TBC1D12: variants seen among roughly 807,000 people sequenced by gnomAD.
TBC1D12 encodes the protein TBC1 domain family member 12.
TBC1D12 carries 56 observed loss-of-function variants against 86.7 expected under a neutral mutation model. The ratio of observed to expected loss-of-function variants is 0.65; its 90% CI spans 0.52 to 0.81. The LOEUF is 0.81. Ranked by LOEUF, TBC1D12 falls within the 30% of genes least tolerant of loss-of-function variation. TBC1D12 has a pLI of 0.00. For missense variants in TBC1D12, 1,023 were observed against 1,038.8 expected (o/e 0.98, Z 0.21); for synonymous variants, 421 against 411.7 (o/e 1.02, Z -0.27).
At chr10:94,458,280 T>C (rs1436096544) in intron 2 of TBC1D12, among the ~76,000 whole-genome samples, 1 of 152,146 alleles carries the variant, frequency 6.6e-6, no homozygotes, top group African/African-American at 2.4e-5. Context: ...GCTAGCATGC[T>C]TAGCCCCTCA....
At chr10:94,465,765 T>C (rs1201382550) in intron 2 of TBC1D12, among the ~76,000 whole-genome samples, 1 of 150,542 alleles carries the variant, frequency 6.6e-6, no homozygotes, top group Non-Finnish European at 1.5e-5. Flanking sequence ...TATACATACA[T>C]ACGTATACGC....
chr10:94,414,901 A>G (rs1362591038), intron 1 of TBC1D12, among the ~76,000 whole-genome samples: 32 of 152,156 alleles, frequency 2.1e-4, no homozygotes. Flanking sequence ...TTTTTTAATA[A>G]CAGGTTGTAC....
intron 2 of TBC1D12, among the ~76,000 whole-genome samples, chr10:94,460,747 G>T (rs1333807180): frequency 6.6e-6 from 1 of 151,620 alleles, no homozygotes; most frequent in African/African-American, 2.4e-5. Context: ...AGTTTTCCCA[G>T]TGTTCTTGGA....
In TBC1D12 at chr10:94,454,935, G is replaced by A. The variant is rs78826107; in HGVS notation, c.1095+12916G>A. Among the ~76,000 whole-genome samples the A allele has an allele frequency of 7.8e-3, 1,186 of 152,238 alleles. 16 individuals carry two copies. The highest frequency in any genetic ancestry group is 0.027 in the African/African-American group (1,108 of 41,538). Reference sequence around the variant, plus strand: ...ACAATGTTGAGAAGCAGTGGTGAGCGGGGATATCCTCGCCTTGTTCCTGAC... The same window carrying A: ...ACAATGTTGAGAAGCAGTGGTGAGCAGGGATATCCTCGCCTTGTTCCTGAC... On this transcript the variant is annotated intron_variant, in intron 2 of 12. Transcript: ENST00000225235.
chr10:94,423,646 C>T (rs566602250), intron 1 of TBC1D12, among the ~76,000 whole-genome samples: 1 of 152,236 alleles, frequency 6.6e-6, no homozygotes, highest in African/African-American at 2.4e-5. Flanking sequence ...CTGTGCCTGG[C>T]CTCATTCACC....
At chr10:94,522,524 A>G in intron 11 of TBC1D12, 71 bp downstream of exon 11, 1 of 674,412 alleles carries the variant, frequency 1.5e-6, no homozygotes, top group Non-Finnish European at 2.4e-6. Flanking sequence ...TGTTTTAGGA[A>G]CTAGAGTAAA....
chr10:94,408,084 T>G (rs1260955486), intron 1 of TBC1D12, among the ~76,000 whole-genome samples: 3 of 152,230 alleles, frequency 2.0e-5, no homozygotes, highest in African/African-American at 7.2e-5. Flanking sequence ...TGTTTGTTTG[T>G]TTTTAGGCCA....
At chr10:94,439,517 GAGGCTGCAGGTTCAGCA>G (rs2055350123) in intron 1 of TBC1D12, among the ~76,000 whole-genome samples, 1 of 152,164 alleles carries the variant, frequency 6.6e-6, no homozygotes, top group African/African-American at 2.4e-5. Context: ...TCTCCAGGTT[GAGGCTGCAGGTTCAGCA>G]AGGCTGCAGG....
intron 3 of TBC1D12, among the ~76,000 whole-genome samples, chr10:94,482,131 A>C (rs1326744828): frequency 6.6e-6 from 1 of 152,056 alleles, no homozygotes; most frequent in African/African-American, 2.4e-5. Flanking sequence ...TCCAATCGTT[A>C]CCTTTTCTGC....
intron 1 of TBC1D12, 142 bp from the exon 2 acceptor site, chr10:94,441,754 G>A (rs1050756488): frequency 4.5e-5 from 33 of 737,828 alleles, no homozygotes; most frequent in Non-Finnish European, 6.6e-5. Flanking sequence ...ATTATTCTAA[G>A]TAATAGTGGT....
intron 1 of TBC1D12, among the ~76,000 whole-genome samples, chr10:94,408,771 C>T (rs1053494181): frequency 6.6e-6 from 1 of 152,038 alleles, no homozygotes; most frequent in African/African-American, 2.4e-5. Context: ...AAAAAAATTC[C>T]TTTCTCAAAT....
Position 94,402,634 on chromosome 10 carries a change from C to T in TBC1D12, c.21C>T (p.Ala7=), listed in dbSNP as rs751576751. Residue 7 remains alanine, a synonymous_variant, in exon 1 of 13, where the codon GCC becomes GCT. Coordinates refer to ENST00000225235, the MANE Select transcript of TBC1D12 (RefSeq NM_015188.2). The part of the protein sequence containing the change: MVGPED[A]GACSGRNPKL... ...CCCAGATGGTGGGTCCGGAGGATGC[C>T]GGAGCCTGCTCGGGAAGAAACCCCA... is the stretch of plus-strand genomic sequence containing the variant. The T allele has an allele frequency of 2.6e-5, 42 of 1,611,770 alleles. 1 individual carries two copies. Among genetic ancestry groups the T allele is most frequent in the Middle Eastern group, 1.6e-4 (1 of 6,078 alleles).
At chr10:94,493,468 T>C in intron 4 of TBC1D12, 21 bp downstream of exon 4, 1 of 1,545,856 alleles carries the variant, frequency 6.5e-7, no homozygotes, top group Non-Finnish European at 8.9e-7. Context: ...TAACTCCAAA[T>C]GGTATAATTT....
At chr10:94,449,027 A>G (rs2055511623) in intron 2 of TBC1D12, among the ~76,000 whole-genome samples, 2 of 152,182 alleles carry the variant, frequency 1.3e-5, no homozygotes, top group Admixed American at 1.3e-4. Flanking sequence ...AGAAGGGAGA[A>G]GTATGATCCT....
At chr10:94,412,644 A>G (rs2134051536) in intron 1 of TBC1D12, among the ~76,000 whole-genome samples, 1 of 152,346 alleles carries the variant, frequency 6.6e-6, no homozygotes. Context: ...TGGCTTACTC[A>G]TGCATTTCAT....
At chr10:94,517,385 A>G (rs1842026707) in intron 9 of TBC1D12, among the ~76,000 whole-genome samples, 1 of 152,212 alleles carries the variant, frequency 6.6e-6, no homozygotes, top group Non-Finnish European at 1.5e-5. Flanking sequence ...CTCAAAACAA[A>G]CAAACAAAAA....
At chr10:94,506,252 T>C (rs2056459390) in intron 6 of TBC1D12, among the ~76,000 whole-genome samples, 1 of 152,068 alleles carries the variant, frequency 6.6e-6, no homozygotes, top group African/African-American at 2.4e-5. Context: ...TTGGCCAGAC[T>C]GGTCTCAAAC....
At chr10:94,444,390 A>G (rs934285589) in intron 2 of TBC1D12, among the ~76,000 whole-genome samples, 2 of 151,860 alleles carry the variant, frequency 1.3e-5, no homozygotes, top group African/African-American at 4.8e-5. Flanking sequence ...AAGGTTGGGA[A>G]CCTCTGCTAT....
chr10:94,440,451 AG>A (rs2055364198), intron 1 of TBC1D12, among the ~76,000 whole-genome samples: 1 of 152,178 alleles, frequency 6.6e-6, no homozygotes, highest in Non-Finnish European at 1.5e-5. Context: ...TTGGGATTAC[AG>A]GCATGAGCCA....
Sources: gnomAD v4.1 joint callset for allele counts (sites outside exome capture counted in the v4.1 genomes callset) on GRCh38, gnomAD v4.1.1 for gene constraint, MANE v1.5 for transcripts, NCBI Gene and HGNC (gene_info 2026-07-23, HGNC 2026-07-21) for gene names.